The following SCRIB variants were observed in gnomAD, a reference collection of about 807,000 sequenced individuals.
The protein encoded by SCRIB is protein scribble homolog.
A neutral mutation model predicts 170.0 loss-of-function variants in SCRIB; 72 were observed. The ratio of observed to expected loss-of-function variants is 0.42; its 90% confidence interval spans 0.35 to 0.52. The LOEUF is 0.52. Among genes scored for constraint, SCRIB ranks in the 20% least tolerant of loss-of-function variants. SCRIB has a pLI of 0.02. For synonymous variants in SCRIB, 1,298 were observed against 1,044.3 expected (o/e 1.24, Z -4.68); for missense variants, 2,475 against 2,338.5 (o/e 1.06, Z -1.20).
At position 143,805,293 on chromosome 8, in the gene SCRIB, G is replaced by A. The variant is rs1554636259; in HGVS notation, c.2489C>T (p.Pro830Leu). The change falls in exon 19 of 37, where the codon CCC becomes CTC. Residue 830 changes from proline to leucine, a missense_variant. Physicochemically the swap from Pro to Leu is moderately conservative, Grantham distance 98 (BLOSUM62 -3). Around this residue, in one of 3 missense-constraint regions of SCRIB, gnomAD observed 1,966 missense variants for 1,742.9 expected, o/e 1.13. Transcript: ENST00000356994. ...CTCTCGGGGGCTGTAATCATCCTCGGGCCGCAGCGGCGTGATGGTGACCGC... is the reference window on the plus strand; with the variant it reads ...CTCTCGGGGGCTGTAATCATCCTCGAGCCGCAGCGGCGTGATGGTGACCGC... ...ENAVTITPLR[P>L]EDDYSPRERR... 1 of 1,548,856 alleles carries A rather than the reference G, an allele frequency of 6.5e-7. No individual in the cohort carries two copies. The highest frequency in any genetic ancestry group is 8.7e-7 in the Non-Finnish European group (1 of 1,153,360).
intron 1 of SCRIB, among the ~76,000 whole-genome samples, chr8:143,814,611 G>A (rs1195142566): frequency 6.6e-6 from 1 of 152,148 alleles, no homozygotes; most frequent in Non-Finnish European, 1.5e-5. Context: ...TCACTGCCAC[G>A]GCCAGAACAG....
chr8:143,794,923 C>T (rs925897432), intron 27 of SCRIB, 115 bp downstream of exon 27: 3 of 1,018,870 alleles, frequency 2.9e-6, no homozygotes, highest in East Asian at 2.5e-5. Context: ...GGCCTCCTCC[C>T]ACCCCAGCCC....
chr8:143,791,828 C>G lies in SCRIB; in HGVS notation c.4695+48G>C, dbSNP rs548529206. On this transcript the variant is annotated intron_variant, in intron 34 of 36. Transcript: ENST00000356994. ...GGGGGTGGGGGCAGGCCAGACCCCACCCCCATGCCTCGGGGGTGAAGGGAA... is the reference window on the plus strand; with the variant it reads ...GGGGGTGGGGGCAGGCCAGACCCCAGCCCCATGCCTCGGGGGTGAAGGGAA... 1.8e-5 allele frequency: 27 copies of G among 1,506,032 alleles called. 1 individual carries two copies. Among genetic ancestry groups the G allele is most frequent in the South Asian group, 1.1e-4 (9 of 82,826 alleles). The allele number at this position is 1,506,032 out of a possible 1,614,324, so 93.3% of individuals were successfully genotyped here.
At position 143,808,748 on chromosome 8, in the gene SCRIB, T is replaced by C; in HGVS notation, c.1976A>G (p.Lys659Arg). 1 of 1,605,984 alleles carries C rather than the reference T, an allele frequency of 6.2e-7. No homozygotes were observed. Among genetic ancestry groups the C allele is most frequent in the Non-Finnish European group, 8.5e-7 (1 of 1,175,910 alleles). The change falls in exon 15 of 37, where the codon AAG (lysine) becomes AGG (arginine). Residue 659 changes from lysine (K) to arginine (R), a missense_variant. Physicochemically the swap from Lys to Arg is conservative, Grantham distance 26. This residue lies in a region of SCRIB where 1,966 missense variants were observed against 1,742.9 expected (regional missense o/e 1.13). Coordinates refer to ENST00000356994, the MANE Select transcript of SCRIB (RefSeq NM_182706.5). ...PHAPWAPRAQ[K>R]EEEEEEEGSP... ...ACCCTCTTCCTCCTCCTCCTCCTCCTTCTGGGCCCGAGGAGCCCAGGGTGC... is the reference window on the plus strand; with the variant it reads ...ACCCTCTTCCTCCTCCTCCTCCTCCCTCTGGGCCCGAGGAGCCCAGGGTGC...
At chr8:143,793,652 G>A (rs1814811427) in intron 28 of SCRIB, 2 of 477,494 alleles carry the variant, frequency 4.2e-6, no homozygotes, top group East Asian at 6.4e-5. Flanking sequence ...GGGGTCTCAG[G>A]AGCTTGAGCC....
intron 24 of SCRIB, among the ~76,000 whole-genome samples, chr8:143,802,363 C>A (rs1815210487): frequency 6.6e-6 from 1 of 152,266 alleles, no homozygotes; most frequent in Non-Finnish European, 1.5e-5. Flanking sequence ...TCCCAGAGAT[C>A]CCTTGCAGGA....
intron 35 of SCRIB, 49 bp from the exon 36 acceptor site, chr8:143,791,489 C>A (rs1554632610): frequency 1.2e-6 from 2 of 1,601,776 alleles, no homozygotes; most frequent in Admixed American, 3.4e-5. Flanking sequence ...CTGCCCCAAA[C>A]CACCCAGGTG....
Position 143,803,745 on chromosome 8 carries a change from C to T in SCRIB, c.3316G>A (p.Ala1106Thr), listed in dbSNP as rs1815277465. The T allele has an allele frequency of 3.7e-6, 6 of 1,600,022 alleles. No individual in the cohort carries two copies. Among genetic ancestry groups the T allele is most frequent in the Admixed American group, 1.7e-5 (1 of 59,654 alleles). The change falls in exon 23 of 37, where the codon GCA becomes ACA. Residue 1106 changes from alanine (A) to threonine (T), a missense_variant. Physicochemically the swap from Ala to Thr is moderately conservative, Grantham distance 58 (BLOSUM62 0). This residue lies in a region of SCRIB where 1,966 missense variants were observed against 1,742.9 expected (regional missense o/e 1.13). Transcript: ENST00000356994. Reference sequence around the variant, plus strand: ...CTGATGCCCAGCCTCTCCCCAGGTGCCTTCTGGATGCACAGTTCCCGTAGG... The same window carrying T: ...CTGATGCCCAGCCTCTCCCCAGGTGTCTTCTGGATGCACAGTTCCCGTAGG... ...PGLRELCIQK[A>T]PGERLGISIR...
At chr8:143,796,360 A>C (rs1246454165) in intron 24 of SCRIB, among the ~76,000 whole-genome samples, 1 of 152,184 alleles carries the variant, frequency 6.6e-6, no homozygotes, top group Non-Finnish European at 1.5e-5. Flanking sequence ...GGTCCCTGCA[A>C]AATCGAGGAG....
rs782103683 is a variant in SCRIB, at chr8:143,806,926, C to T, written c.2266G>A (p.Glu756Lys). 8.7e-6 allele frequency: 14 copies of T among 1,607,962 alleles called. No homozygotes were observed. The highest frequency in any genetic ancestry group is 6.7e-5 in the East Asian group (3 of 44,654). The change falls in exon 17 of 37, where the codon GAG becomes AAG. Residue 756 changes from glutamate to lysine, a missense_variant and splice_region_variant. Glu to Lys is a moderately conservative substitution (Grantham distance 56, BLOSUM62 1). Transcript: ENST00000356994. ...AGGCCCTCCTAGGCAGTGCTCACCT[C>T]GTCGTCCCCCTTATAGGGTGTGGAG... ...KGSTPYKGDD[E>K]GIFISRVSEE...
At chr8:143,813,754 G>A (rs762625633) in intron 3 of SCRIB, 28 bp from the exon 4 acceptor site, 2 of 1,612,150 alleles carry the variant, frequency 1.2e-6, no homozygotes, top group Admixed American at 3.3e-5. Flanking sequence ...GAGGCCCTCG[G>A]ATGACCAGTC....
rs372586260 is a variant in SCRIB at position 143,812,282 on chromosome 8, G to A, written c.890C>T (p.Thr297Met). 47 of 1,609,558 alleles carry A rather than the reference G, an allele frequency of 2.9e-5. No homozygotes were observed. The highest frequency in any genetic ancestry group is 1.2e-4 in the African/African-American group (9 of 74,812). The change falls in exon 9 of 37, where the codon ACG becomes ATG. Residue 297 changes from threonine to methionine, a missense_variant. This residue lies in a region of SCRIB where 487 missense variants were observed against 558.1 expected (regional missense o/e 0.87). Transcript: ENST00000356994. Reference protein sequence around the residue: ...DCENLSELILTENLLMALPRS... With the variant: ...DCENLSELILMENLLMALPRS... ...AGACCCTACCATCAGCAGGTTCTCC[G>A]TGAGGATCAGCTCAGAGAGGTTCTC...
At position 143,793,034 on chromosome 8, in the gene SCRIB, G is replaced by T. The variant is rs1336185058; in HGVS notation, c.3959C>A (p.Ala1320Asp). Reference sequence around the variant, plus strand: ...GGGCACGGCCGCGAAGGCCCTGTAGGCCTGCTTCACATTGGCGGGCAGCTC... The same window carrying T: ...GGGCACGGCCGCGAAGGCCCTGTAGTCCTGCTTCACATTGGCGGGCAGCTC... ...PDELPANVKQ[A>D]YRAFAAVPTS... The change falls in exon 29 of 37, where the codon GCC (alanine) becomes GAC (aspartate). Residue 1320 changes from alanine (A) to aspartate (D), a missense_variant. By Grantham distance (126) the Ala-to-Asp change is moderately radical. Coordinates refer to ENST00000356994, the MANE Select transcript of SCRIB (RefSeq NM_182706.5). 4.0e-6 allele frequency: 6 copies of T among 1,510,838 alleles called. No individual in the cohort carries two copies. Among genetic ancestry groups the T allele is most frequent in the Middle Eastern group, 1.7e-4 (1 of 5,762 alleles). 93.6% of individuals were successfully genotyped at this position (1,510,838 alleles called of 1,614,324 possible). A position where few individuals can be genotyped will look rare whatever the true frequency, so the allele number is the denominator to read the frequency against.
At chr8:143,799,712 G>A (rs1815093144) in intron 24 of SCRIB, among the ~76,000 whole-genome samples, 1 of 151,938 alleles carries the variant, frequency 6.6e-6, no homozygotes, top group Non-Finnish European at 1.5e-5. Context: ...CAGCAAGTGA[G>A]GGCCAGGCTT....
intron 15 of SCRIB, 150 bp from the exon 16 acceptor site, chr8:143,807,764 G>A (rs1554636967): frequency 5.7e-6 from 4 of 697,108 alleles, no homozygotes; most frequent in Non-Finnish European, 7.8e-6. Context: ...CCATCCTGGA[G>A]GCGTGAGTGA....
intron 28 of SCRIB, chr8:143,793,609 G>A (rs781898392): frequency 2.4e-6 from 1 of 424,982 alleles, no homozygotes; most frequent in Non-Finnish European, 4.2e-6. Context: ...GATAAGGTGG[G>A]CCCTGGGAGG....
At chr8:143,808,017 C>T (rs1482467845) in intron 15 of SCRIB, among the ~76,000 whole-genome samples, 2 of 152,200 alleles carry the variant, frequency 1.3e-5, no homozygotes, top group African/African-American at 4.8e-5. Context: ...GGGAGGGACA[C>T]ACTGGTGCCC....
Position 143,812,946 on chromosome 8 carries a change from G to A in SCRIB, c.658C>T (p.Arg220Trp), listed in dbSNP as rs754579272. 24 of 1,612,534 alleles carry A rather than the reference G, an allele frequency of 1.5e-5. No individual in the cohort carries two copies. The Admixed American group carries it at 1.5e-4, about 10-fold the overall frequency. ...GACACGTCCAGGCACACCAGGCGCC[G>A]CAGGTTCCCGAGCTCCTGCAGGTGG... Reference protein sequence around the residue: ...SALPPELGNLRRLVCLDVSEN... With the variant: ...SALPPELGNLWRLVCLDVSEN... The change falls in exon 8 of 37, where the codon CGG becomes TGG. Residue 220 changes from arginine (R) to tryptophan (W), a missense_variant. Physicochemically the swap from Arg to Trp is moderately radical, Grantham distance 101. Around this residue, in one of 3 missense-constraint regions of SCRIB, gnomAD observed 487 missense variants for 558.1 expected, o/e 0.87. Transcript: ENST00000356994.
chr8:143,809,465 A>G, intron 14 of SCRIB, 86 bp downstream of exon 14: 1 of 1,475,956 alleles, frequency 6.8e-7, no homozygotes, highest in Non-Finnish European at 9.2e-7. Flanking sequence ...TGCCTGCACC[A>G]AAACCGATCC....
Sources: allele counts gnomAD v4.1 joint callset (sites outside exome capture counted in the v4.1 genomes callset), GRCh38; gene constraint gnomAD v4.1.1; regional missense constraint gnomAD v4.1.1; transcripts MANE v1.5; gene names NCBI Gene and HGNC (gene_info 2026-07-23, HGNC 2026-07-21).